COBL: variants seen among roughly 807,000 people sequenced by gnomAD.
COBL encodes the protein protein cordon-bleu.
A neutral mutation model predicts 98.8 loss-of-function variants in COBL; 51 were observed. The ratio of observed to expected loss-of-function variants is 0.52; its 90% CI spans 0.41 to 0.65. The LOEUF (loss-of-function observed/expected upper bound fraction) is 0.65. Ranked by LOEUF, COBL falls within the 30% of genes least tolerant of loss-of-function variation. COBL has a pLI of 0.00. For missense variants in COBL, 1,617 were observed against 1,617.5 expected (o/e 1.00, Z 0.01); for synonymous variants, 634 against 651.7 (o/e 0.97, Z 0.41).
chr7:51,258,460 A>G (rs1175847529), intron 1 of COBL, among the ~76,000 whole-genome samples: 1 of 152,232 alleles, frequency 6.6e-6, no homozygotes, highest in Admixed American at 6.5e-5. Context: ...TACTGATTTC[A>G]GACGAGGCGG....
chr7:51,068,948 A>C (rs914258388), intron 7 of COBL, among the ~76,000 whole-genome samples: 2 of 152,234 alleles, frequency 1.3e-5, no homozygotes, highest in Non-Finnish European at 2.9e-5. Flanking sequence ...ATGGAGCCTG[A>C]AGACTCCAAA....
rs1223914274 is a variant in COBL at position 51,028,740 on chromosome 7, T to C, written c.2356A>G (p.Ser786Gly). The C allele has an allele frequency of 6.8e-6, 11 of 1,614,032 alleles. No individual in the cohort carries two copies. Among genetic ancestry groups the C allele is most frequent in the African/African-American group, 4.0e-5 (3 of 74,920 alleles). ...GTGGAGGGGGGTCCCCTGGCAGAGCTCTCTGAGGGTCGGCCCAGGTGTTTT... is the reference window on the plus strand; with the variant it reads ...GTGGAGGGGGGTCCCCTGGCAGAGCCCTCTGAGGGTCGGCCCAGGTGTTTT... ...VEKHLGRPSE[S>G]SARGPPSTPV... The change falls in exon 10 of 13, where the codon AGC becomes GGC. Residue 786 changes from serine (S) to glycine (G), a missense_variant. Physicochemically the swap from Ser to Gly is moderately conservative, Grantham distance 56. Around this residue, in one of 3 missense-constraint regions of COBL, gnomAD observed 1,304 missense variants for 1,282.0 expected, o/e 1.02. Coordinates refer to ENST00000265136, the MANE Select transcript of COBL (RefSeq NM_015198.5).
chr7:51,183,971 C>A, intron 5 of COBL, 131 bp downstream of exon 5: 1 of 494,674 alleles, frequency 2.0e-6, no homozygotes, highest in Non-Finnish European at 3.6e-6. Flanking sequence ...AATAAGCTCT[C>A]TTTTACCTGA....
chr7:51,075,320 T>C (rs1277916022), intron 7 of COBL, among the ~76,000 whole-genome samples: 2 of 152,370 alleles, frequency 1.3e-5, no homozygotes, highest in East Asian at 3.9e-4. Flanking sequence ...ATAAATAGTT[T>C]CTTGATGGTT....
chr7:51,143,601 G>T (rs1383360896), intron 5 of COBL, among the ~76,000 whole-genome samples: 1 of 152,160 alleles, frequency 6.6e-6, no homozygotes, highest in Non-Finnish European at 1.5e-5. Context: ...TGTGCATGGG[G>T]CAGGTCTGGG....
intron 1 of COBL, among the ~76,000 whole-genome samples, chr7:51,293,745 G>A (rs1370748377): frequency 6.6e-6 from 1 of 152,158 alleles, no homozygotes; most frequent in African/African-American, 2.4e-5. Flanking sequence ...AGAGGAAAAA[G>A]AAGAAATTCA....
At chr7:51,052,903 T>C (rs1415407764) in intron 7 of COBL, among the ~76,000 whole-genome samples, 1 of 152,244 alleles carries the variant, frequency 6.6e-6, no homozygotes, top group African/African-American at 2.4e-5. Flanking sequence ...TCACTCTGGA[T>C]GTAAATTTGA....
chr7:51,189,450 G>A (rs553822002), intron 4 of COBL, among the ~76,000 whole-genome samples: 19 of 152,168 alleles, frequency 1.2e-4, no homozygotes, highest in East Asian at 1.9e-4. Context: ...CCTGGCCAAC[G>A]TGGTGAAACC....
chr7:51,103,693 C>A (rs1230206550), intron 6 of COBL, among the ~76,000 whole-genome samples: 1 of 152,148 alleles, frequency 6.6e-6, no homozygotes, highest in East Asian at 1.9e-4. Context: ...ATTTTATAAA[C>A]CTGCAGATAC....
intron 5 of COBL, among the ~76,000 whole-genome samples, chr7:51,170,510 T>C (rs1236052326): frequency 7.0e-6 from 1 of 142,006 alleles, no homozygotes; most frequent in Non-Finnish European, 1.5e-5. Flanking sequence ...CACTGTGATA[T>C]ATATATATAT....
At chr7:51,085,124 C>G in intron 7 of COBL, 42 bp downstream of exon 7, 2 of 1,612,292 alleles carry the variant, frequency 1.2e-6, no homozygotes, top group Non-Finnish European at 1.7e-6. Flanking sequence ...CAGGACAGAG[C>G]AAGCATCCCC....
At chr7:51,226,532 G>GAGTGAGTGAGTA (rs1230543432) in intron 1 of COBL, among the ~76,000 whole-genome samples, 1 of 151,926 alleles carries the variant, frequency 6.6e-6, no homozygotes, top group African/African-American at 2.4e-5. Flanking sequence ...TTGAGTGAGT[G>GAGTGAGTGAGTA]AGTGAGTGAG....
chr7:51,063,783 A>G (rs925285917), intron 7 of COBL, among the ~76,000 whole-genome samples: 1 of 152,240 alleles, frequency 6.6e-6, no homozygotes, highest in Non-Finnish European at 1.5e-5. Flanking sequence ...ATTTTAAATT[A>G]TGGCTATTTT....
intron 2 of COBL, among the ~76,000 whole-genome samples, chr7:51,194,466 G>GTATACACCCAGTAA (rs1790410236): frequency 6.6e-6 from 1 of 152,230 alleles, no homozygotes; most frequent in East Asian, 1.9e-4. Context: ...ATTCCTTTGG[G>GTATACACCCAGTAA]TATACACCCA....
chr7:51,300,228 T>C (rs1003852586), intron 1 of COBL, among the ~76,000 whole-genome samples: 4 of 152,206 alleles, frequency 2.6e-5, no homozygotes, highest in African/African-American at 9.6e-5. Flanking sequence ...TGGCATCATG[T>C]CGGCTCACTG....
intron 1 of COBL, among the ~76,000 whole-genome samples, chr7:51,257,297 C>T (rs1797278993): frequency 6.6e-6 from 1 of 152,286 alleles, no homozygotes; most frequent in East Asian, 1.9e-4. Flanking sequence ...CTCAATAAAA[C>T]CTACATCACA....
Position 51,061,946 on chromosome 7 carries a change from T to TACACACACACACACACAC in COBL, c.1097-18255_1097-18254insGTGTGTGTGTGTGTGTGT, listed in dbSNP as rs1395412693. On this transcript the variant is annotated intron_variant, in intron 7 of 12. Coordinates refer to ENST00000265136, the MANE Select transcript of COBL (RefSeq NM_015198.5). The stretch of plus-strand genomic sequence containing the variant: ...TATAAAAAAAAATCTCTCCCCACCA[T>TACACACACACACACACAC]AGATACACACACACACACACACACA... Among the ~76,000 whole-genome samples, 366 of 96,114 alleles carry TACACACACACACACACAC rather than the reference T, an allele frequency of 3.8e-3. 5 individuals are homozygous for TACACACACACACACACAC. Among genetic ancestry groups the TACACACACACACACACAC allele is most frequent in the South Asian group, 6.1e-3 (19 of 3,110 alleles). The allele number at this position is 96,114 out of a possible 152,430, so 63.1% of individuals were successfully genotyped here.
intron 3 of COBL, among the ~76,000 whole-genome samples, chr7:51,193,173 A>C (rs1790278924): frequency 6.6e-6 from 1 of 152,232 alleles, no homozygotes; most frequent in Non-Finnish European, 1.5e-5. Flanking sequence ...TAAAGAAGCA[A>C]TGTTACAACA....
intron 2 of COBL, among the ~76,000 whole-genome samples, chr7:51,207,700 G>A (rs552835278): frequency 1.2e-4 from 18 of 152,366 alleles, no homozygotes; most frequent in Non-Finnish European, 2.6e-4. Flanking sequence ...CCGAGGTGCC[G>A]GGATTGCAGA....
Sources: gnomAD v4.1 joint callset for allele counts (sites outside exome capture counted in the v4.1 genomes callset) on GRCh38, gnomAD v4.1.1 for gene constraint, gnomAD v4.1.1 regional missense constraint, MANE v1.5 for transcripts, NCBI Gene and HGNC (gene_info 2026-07-23, HGNC 2026-07-21) for gene names.